The following CACNA2D1 variants were observed in gnomAD, a reference collection of about 807,000 sequenced individuals.
CACNA2D1 encodes voltage-dependent calcium channel subunit alpha-2/delta-1.
CACNA2D1 carries 53 observed loss-of-function variants against 171.5 expected under a neutral mutation model. The observed-to-expected ratio is 0.31, with a 90% CI of 0.25 to 0.39. The LOEUF is 0.39. Among genes scored for constraint, CACNA2D1 ranks in the 10% least tolerant of loss-of-function variants. CACNA2D1 has a pLI of 1.00. For synonymous variants in CACNA2D1, 442 were observed against 443.1 expected, an observed-to-expected ratio of 1.00 and a Z score of 0.03; for missense variants, 903 against 1,299.8, an observed-to-expected ratio of 0.69 and a Z score of 4.69.
chr7:82,096,074 T>C (rs258662), intron 6 of CACNA2D1, among the ~76,000 whole-genome samples: 76,504 of 152,036 alleles, frequency 0.5, 19,538 homozygotes, highest in Non-Finnish European at 0.54. Flanking sequence ...ATTCATCCAA[T>C]AAATATTTAC....
chr7:82,097,489 T>A (rs1812032520), intron 6 of CACNA2D1, among the ~76,000 whole-genome samples: 1 of 152,010 alleles, frequency 6.6e-6, no homozygotes, highest in South Asian at 2.1e-4. Context: ...CAGGCCACAG[T>A]AACAAATGTG....
intron 4 of CACNA2D1, among the ~76,000 whole-genome samples, chr7:82,165,206 A>G (rs921177376): frequency 2.0e-5 from 3 of 151,984 alleles, no homozygotes; most frequent in Non-Finnish European, 4.4e-5. Context: ...GTCCTCTTTT[A>G]ACTTTTCCCT....
rs551650437 is a variant in CACNA2D1, at chr7:82,394,905, T to C, written c.96-45256A>G. Reference sequence around the variant, plus strand: ...TTAGATACAAATGTGCTGCCCCAGATGGAGGGCCTTTCTCTAAAACACCAG... The same window carrying C: ...TTAGATACAAATGTGCTGCCCCAGACGGAGGGCCTTTCTCTAAAACACCAG... On this transcript the variant is annotated intron_variant, in intron 1 of 38. Transcript: ENST00000356860. 2.1e-4 allele frequency among the ~76,000 whole-genome samples: 32 copies of C among 152,012 alleles called. No homozygotes were observed. In the South Asian group the frequency reaches 5.9e-3, roughly 28 times the overall value.
intron 38 of CACNA2D1, among the ~76,000 whole-genome samples, chr7:81,957,960 C>T (rs933409368): frequency 6.6e-6 from 1 of 151,936 alleles, no homozygotes; most frequent in African/African-American, 2.4e-5. Context: ...AGTTGATGAG[C>T]GAAGTTTCTC....
At chr7:82,050,276 A>C (rs1584541289) in intron 10 of CACNA2D1, 1 of 296,248 alleles carries the variant, frequency 3.4e-6, no homozygotes, top group Non-Finnish European at 6.4e-6. Context: ...AGCAGTTGTA[A>C]GCTAACAAGT....
At chr7:82,038,434 T>C (rs1016847483) in intron 10 of CACNA2D1, among the ~76,000 whole-genome samples, 199 bp from the exon 11 acceptor site, 1 of 152,200 alleles carries the variant, frequency 6.6e-6, no homozygotes, top group Non-Finnish European at 1.5e-5. Context: ...ACTGGAACGC[T>C]GAGTCTGCTG....
chr7:82,157,215 A>G (rs1024249448), intron 4 of CACNA2D1, among the ~76,000 whole-genome samples: 1 of 152,144 alleles, frequency 6.6e-6, no homozygotes, highest in Non-Finnish European at 1.5e-5. Context: ...TCAATGAAAT[A>G]TCCTTGACAT....
rs147252872 is a variant in CACNA2D1 at position 82,083,896 on chromosome 7, A to G, written c.658+873T>C. 2.8e-3 allele frequency among the ~76,000 whole-genome samples: 423 copies of G among 152,284 alleles called. 3 individuals are homozygous for G. Among genetic ancestry groups the G allele is most frequent in the African/African-American group, 9.4e-3 (392 of 41,558 alleles). ...TTTTATATGAATAACTCAATTTGTTAAACATGTTTAGGACACCCAAGTCTC... is the reference window on the plus strand; with the variant it reads ...TTTTATATGAATAACTCAATTTGTTGAACATGTTTAGGACACCCAAGTCTC... On this transcript the variant is annotated intron_variant, in intron 7 of 38. Transcript: ENST00000356860.
chr7:82,211,820 C>T (rs1419403948), intron 3 of CACNA2D1, among the ~76,000 whole-genome samples: 2 of 152,160 alleles, frequency 1.3e-5, no homozygotes, highest in Admixed American at 6.5e-5. Context: ...ATTTACATTC[C>T]CACTGGCAGT....
intron 5 of CACNA2D1, among the ~76,000 whole-genome samples, chr7:82,117,653 C>CTAATT (rs1410928351): frequency 1.3e-5 from 2 of 152,014 alleles, no homozygotes; most frequent in African/African-American, 4.8e-5. Context: ...CTGGACATGG[C>CTAATT]AGCACAGGCC....
chr7:82,262,079 C>G (rs1178941205), intron 3 of CACNA2D1, among the ~76,000 whole-genome samples: 1 of 152,216 alleles, frequency 6.6e-6, no homozygotes, highest in South Asian at 2.1e-4. Flanking sequence ...CGCCTGTAAT[C>G]CCAGCACTTT....
At chr7:82,214,377 C>A (rs1386352724) in intron 3 of CACNA2D1, among the ~76,000 whole-genome samples, 4 of 151,762 alleles carry the variant, frequency 2.6e-5, no homozygotes, top group Non-Finnish European at 4.4e-5. Flanking sequence ...TGTATTGTAC[C>A]CTCTCATTAA....
intron 4 of CACNA2D1, among the ~76,000 whole-genome samples, chr7:82,150,573 T>G (rs1793754804): frequency 6.6e-6 from 1 of 152,144 alleles, no homozygotes; most frequent in Non-Finnish European, 1.5e-5. Context: ...AATGACTATG[T>G]TCCAAGGATA....
chr7:82,406,350 C>T (rs1179773147), intron 1 of CACNA2D1, among the ~76,000 whole-genome samples: 1 of 152,194 alleles, frequency 6.6e-6, no homozygotes, highest in Non-Finnish European at 1.5e-5. Context: ...CCACAATAAA[C>T]ATACATGTGC....
At chr7:82,409,451 G>A (rs535095022) in intron 1 of CACNA2D1, among the ~76,000 whole-genome samples, 1 of 152,280 alleles carries the variant, frequency 6.6e-6, no homozygotes, top group Non-Finnish European at 1.5e-5. Context: ...CCAACATGAT[G>A]CAAGTATTGG....
At chr7:82,012,110 G>T in intron 15 of CACNA2D1, 44 bp downstream of exon 15, 1 of 1,104,976 alleles carries the variant, frequency 9.0e-7, no homozygotes, top group Non-Finnish European at 1.4e-6. Context: ...TCATCTGTGT[G>T]CTTTTGTTAT....
intron 24 of CACNA2D1, among the ~76,000 whole-genome samples, chr7:81,979,176 G>A (rs538163033): frequency 9.9e-5 from 15 of 152,146 alleles, no homozygotes; most frequent in Middle Eastern, 3.4e-3. Context: ...TCTGGGGAGG[G>A]TTGGGGAAGG....
At chr7:82,051,799 C>T (rs1021649162) in intron 10 of CACNA2D1, among the ~76,000 whole-genome samples, 2 of 152,156 alleles carry the variant, frequency 1.3e-5, no homozygotes, top group African/African-American at 2.4e-5. Flanking sequence ...AATCAGAACA[C>T]GCTGTGATTG....
At chr7:82,266,609 CG>C (rs1807890220) in intron 3 of CACNA2D1, among the ~76,000 whole-genome samples, 2 of 150,580 alleles carry the variant, frequency 1.3e-5, no homozygotes, top group South Asian at 4.2e-4. Flanking sequence ...CTCCGCCTCC[CG>C]GTTTCAAGCT....
Sources: allele counts gnomAD v4.1 joint callset (sites outside exome capture counted in the v4.1 genomes callset), GRCh38; gene constraint gnomAD v4.1.1; transcripts MANE v1.5; gene names NCBI Gene and HGNC (gene_info 2026-07-23, HGNC 2026-07-21).